VTA1: variants seen among roughly 807,000 people sequenced by gnomAD.
VTA1 encodes the protein vacuolar protein sorting-associated protein VTA1 homolog.
In VTA1, 24 loss-of-function variants were observed where a neutral mutation model predicts 36.9. The ratio of observed to expected loss-of-function variants is 0.65; its 90% CI spans 0.47 to 0.91. VTA1 has a LOEUF of 0.91. Ranked by LOEUF, VTA1 falls within the 40% of genes least tolerant of loss-of-function variation. The probability of loss-of-function intolerance (pLI) is 0.00; values close to 1 mark genes in which losing one functional copy is unlikely to be tolerated. For missense variants in VTA1, 393 were observed against 377.2 expected, an observed-to-expected ratio of 1.04 and a Z score of -0.35; for synonymous variants, 142 against 130.2, an observed-to-expected ratio of 1.09 and a Z score of -0.62.
chr6:142,183,536 A>G (rs557269015), intron 4 of VTA1, among the ~76,000 whole-genome samples: 15 of 152,338 alleles, frequency 9.8e-5, no homozygotes, highest in Non-Finnish European at 1.8e-4. Flanking sequence ...TGCAGTTGTC[A>G]GTGATTCTCA....
intron 1 of VTA1, among the ~76,000 whole-genome samples, chr6:142,148,706 A>G (rs1278470530): frequency 6.6e-6 from 1 of 152,196 alleles, no homozygotes; most frequent in Non-Finnish European, 1.5e-5. Context: ...GAATAAGAGT[A>G]TCAGGAGTAG....
chr6:142,220,068 T>A lies in VTA1; in HGVS notation c.*1425T>A, dbSNP rs1445143560. On this transcript the variant is annotated 3_prime_UTR_variant, in exon 8 of 8. Transcript: ENST00000367630. The stretch of plus-strand genomic sequence containing the variant: ...ATTATTTTCTGCATAAATGTAATGC[T>A]ATTGTACAGGGTTTGGTAGAATAAA... 6.6e-6 allele frequency: 1 copy of A among 152,206 alleles called. No homozygotes were observed. The highest frequency in any genetic ancestry group is 1.5e-5 in the Non-Finnish European group (1 of 68,032). 9.4% of individuals were successfully genotyped at this position (152,206 alleles called of 1,614,324 possible). A position where few individuals can be genotyped will look rare whatever the true frequency, so the allele number is the denominator to read the frequency against.
At chr6:142,149,377 AC>A (rs1208897553) in intron 1 of VTA1, among the ~76,000 whole-genome samples, 5 of 152,218 alleles carry the variant, frequency 3.3e-5, no homozygotes, top group African/African-American at 1.2e-4. Flanking sequence ...AATAAAATGA[AC>A]ACTAATATGC....
chr6:142,168,537 A>C (rs1774964358), intron 2 of VTA1, among the ~76,000 whole-genome samples: 1 of 151,724 alleles, frequency 6.6e-6, no homozygotes, highest in African/African-American at 2.4e-5. Context: ...TCTGAGTAAA[A>C]ATTAGGAACT....
chr6:142,168,761 T>TATC (rs1266290084), intron 2 of VTA1, among the ~76,000 whole-genome samples: 2 of 147,564 alleles, frequency 1.4e-5, no homozygotes, highest in Non-Finnish European at 3.0e-5. Flanking sequence ...TTATTATTAT[T>TATC]ATTATTATTA....
chr6:142,148,143 T>C (rs972825672), intron 1 of VTA1, among the ~76,000 whole-genome samples: 4 of 152,224 alleles, frequency 2.6e-5, no homozygotes, highest in African/African-American at 7.2e-5. Flanking sequence ...CTCTTAACTT[T>C]ACTGCAAATA....
chr6:142,157,088 C>T (rs1001847435), intron 1 of VTA1, among the ~76,000 whole-genome samples: 2 of 152,206 alleles, frequency 1.3e-5, no homozygotes, highest in Admixed American at 6.5e-5. Context: ...CGCTTGAACC[C>T]AGGAGGCAGA....
intron 2 of VTA1, among the ~76,000 whole-genome samples, chr6:142,168,747 ATTATTATTAT>A (rs1774970964): frequency 7.5e-6 from 1 of 132,950 alleles, no homozygotes; most frequent in African/African-American, 3.3e-5. Flanking sequence ...TATCATTATT[ATTATTATTAT>A]TATTATTATT....
At chr6:142,206,933 A>C (rs1775803034) in intron 7 of VTA1, among the ~76,000 whole-genome samples, 1 of 152,188 alleles carries the variant, frequency 6.6e-6, no homozygotes, top group Non-Finnish European at 1.5e-5. Flanking sequence ...CACTCATCTC[A>C]AAATTTAACT....
At chr6:142,150,592 A>G (rs531909032) in intron 1 of VTA1, among the ~76,000 whole-genome samples, 1 of 152,326 alleles carries the variant, frequency 6.6e-6, no homozygotes, top group African/African-American at 2.4e-5. Flanking sequence ...GACAATTCAA[A>G]TTACCCATGT....
At chr6:142,189,903 C>G (rs1775418988) in intron 5 of VTA1, among the ~76,000 whole-genome samples, 3 of 152,048 alleles carry the variant, frequency 2.0e-5, no homozygotes, top group South Asian at 4.1e-4. Context: ...ACTACAGGCG[C>G]CTGCCACCAC....
chr6:142,206,740 GA>G (rs1471232268), intron 7 of VTA1, among the ~76,000 whole-genome samples: 4 of 152,092 alleles, frequency 2.6e-5, no homozygotes, highest in Admixed American at 2.6e-4. Flanking sequence ...ACTGGCAGAA[GA>G]ACAGACAAAT....
At chr6:142,189,650 A>G (rs1399455794) in intron 5 of VTA1, 116 bp downstream of exon 5, 5 of 700,168 alleles carry the variant, frequency 7.1e-6, no homozygotes, top group African/African-American at 3.7e-5. Flanking sequence ...CCCAGAATCA[A>G]TGAAAGTTAA....
chr6:142,186,324 T>A (rs1775339313), intron 4 of VTA1, among the ~76,000 whole-genome samples: 1 of 152,170 alleles, frequency 6.6e-6, no homozygotes. Flanking sequence ...GAGTAGACCC[T>A]TGTATCCAAA....
In VTA1 at chr6:142,147,359, T is replaced by C. The variant is rs200167229; in HGVS notation, c.72T>C (p.Ala24=). The part of the protein sequence containing the change: ...FKSIQHHLRT[A]QEHDKRDPVV... ...GCATACAGCATCATCTGAGGACGGC[T>C]CAGGAGCATGACAAGCGAGACCCTG... Residue 24 remains alanine (A), a synonymous_variant, in exon 1 of 8, where the codon GCT becomes GCC. Coordinates refer to ENST00000367630, the MANE Select transcript of VTA1 (RefSeq NM_016485.5). 6.2e-6 allele frequency: 10 copies of C among 1,614,174 alleles called. No homozygotes were observed. The East Asian group carries it at 2.2e-4, about 36-fold the overall frequency.
chr6:142,197,197 T>C (rs1001413289), intron 5 of VTA1, among the ~76,000 whole-genome samples: 5 of 152,180 alleles, frequency 3.3e-5, no homozygotes, highest in Non-Finnish European at 7.4e-5. Context: ...TTCTCCAGTA[T>C]TGGGGAAAGT....
At chr6:142,208,608 A>G (rs551644246) in intron 7 of VTA1, among the ~76,000 whole-genome samples, 16 of 152,296 alleles carry the variant, frequency 1.1e-4, no homozygotes, top group Admixed American at 1.0e-3. Context: ...TTCAACCCCC[A>G]AATAAGACTA....
intron 1 of VTA1, among the ~76,000 whole-genome samples, chr6:142,157,198 AT>A (rs1253276564): frequency 6.6e-6 from 1 of 152,172 alleles, no homozygotes; most frequent in Non-Finnish European, 1.5e-5. Context: ...GCCTCTTACT[AT>A]TTTTTGTTGG....
chr6:142,167,917 T>C (rs1437766786), intron 2 of VTA1, among the ~76,000 whole-genome samples: 1 of 152,250 alleles, frequency 6.6e-6, no homozygotes, highest in African/African-American at 2.4e-5. Context: ...ATAATGTCTC[T>C]TTATTAACTT....
Sources: gnomAD v4.1 joint callset for allele counts (sites outside exome capture counted in the v4.1 genomes callset) on GRCh38, gnomAD v4.1.1 for gene constraint, MANE v1.5 for transcripts, NCBI Gene and HGNC (gene_info 2026-07-23, HGNC 2026-07-21) for gene names.